Variants in MDH2 observed in about 807,000 individuals in gnomAD.
The protein encoded by MDH2 is malate dehydrogenase 2.
MDH2 carries 25 observed loss-of-function variants against 33.6 expected under a neutral mutation model. That is an observed-to-expected ratio of 0.74 (90% CI 0.54 to 1.04). The LOEUF is 1.04. Ranked by LOEUF, MDH2 falls within the 50% of genes least tolerant of loss-of-function variation. MDH2 has a pLI of 0.00. For synonymous variants in MDH2, 193 were observed against 188.7 expected (o/e 1.02, Z -0.19); for missense variants, 432 against 445.0 (o/e 0.97, Z 0.26).
chr7:76,057,333 T>C (rs1435254662), intron 2 of MDH2, 77 bp from the exon 3 acceptor site: 2 of 1,532,902 alleles, frequency 1.3e-6, no homozygotes, highest in Non-Finnish European at 1.8e-6. Flanking sequence ...TTAGTTGGCC[T>C]TAAGGCCAGG....
intron 4 of MDH2, among the ~76,000 whole-genome samples, chr7:76,059,394 C>T (rs782350172): frequency 1.8e-4 from 27 of 152,228 alleles, no homozygotes; most frequent in Non-Finnish European, 3.5e-4. Flanking sequence ...TTCCTGGTCC[C>T]CTGTTGTCCC....
chr7:76,056,359 A>G (rs534101732), intron 2 of MDH2, among the ~76,000 whole-genome samples: 2 of 152,354 alleles, frequency 1.3e-5, no homozygotes, highest in East Asian at 3.9e-4. Context: ...CTGTCCAGAA[A>G]GATTCTACTG....
intron 7 of MDH2, 24 bp from the exon 8 acceptor site, chr7:76,064,778 G>A: frequency 6.2e-7 from 1 of 1,607,278 alleles, no homozygotes; most frequent in Non-Finnish European, 8.5e-7. Flanking sequence ...CACCAGCCAG[G>A]CTGACCTGTC....
intron 4 of MDH2, 134 bp downstream of exon 4, chr7:76,058,212 G>A: frequency 2.6e-6 from 2 of 780,682 alleles, no homozygotes; most frequent in South Asian, 1.7e-5. Context: ...TGAAGGGGCT[G>A]AAATGGAGAG....
rs1798103897 is a variant in MDH2 at position 76,066,601 on chromosome 7, T to C, written c.*191T>C. 6 of 627,954 alleles carry C rather than the reference T, an allele frequency of 9.6e-6. No homozygotes were observed. The highest frequency in any genetic ancestry group is 1.5e-5 in the Non-Finnish European group (6 of 408,568). 38.9% of individuals were successfully genotyped at this position (627,954 alleles called of 1,614,324 possible). On this transcript the variant is annotated 3_prime_UTR_variant, in exon 9 of 9. Coordinates refer to ENST00000315758, the MANE Select transcript of MDH2 (RefSeq NM_005918.4). ...CCGTCCTTGATTTTATTTTTCAAGGTCCCTTCTGTAAATGCTGTGCTTTCT... is the reference window on the plus strand; with the variant it reads ...CCGTCCTTGATTTTATTTTTCAAGGCCCCTTCTGTAAATGCTGTGCTTTCT...
chr7:76,057,431 T>C lies in MDH2; in HGVS notation c.257T>C (p.Leu86Pro). 1 of 1,614,190 alleles carries C rather than the reference T, an allele frequency of 6.2e-7. No individual in the cohort carries two copies. The highest frequency in any genetic ancestry group is 8.5e-7 in the Non-Finnish European group (1 of 1,180,032). Reference sequence around the variant, plus strand: ...CTAGGCTACCTCGGACCTGAACAGCTGCCTGACTGCCTGAAAGGTTGTGAT... The same window carrying C: ...CTAGGCTACCTCGGACCTGAACAGCCGCCTGACTGCCTGAAAGGTTGTGAT... ...AVKGYLGPEQLPDCLKGCDVV... is the reference protein window; with the variant it reads ...AVKGYLGPEQPPDCLKGCDVV... The change falls in exon 3 of 9, where the codon CTG becomes CCG. Residue 86 changes from leucine (L) to proline (P), a missense_variant. By Grantham distance (98) the Leu-to-Pro change is moderately conservative. Coordinates refer to ENST00000315758, the MANE Select transcript of MDH2 (RefSeq NM_005918.4).
At chr7:76,063,672 AC>A in intron 6 of MDH2, 80 bp downstream of exon 6, 1 of 1,416,580 alleles carries the variant, frequency 7.1e-7, no homozygotes. Flanking sequence ...ATCCCGGTAG[AC>A]TGGAGAAGGC....
chr7:76,051,974 G>A (rs1797640351), intron 1 of MDH2, among the ~76,000 whole-genome samples: 1 of 152,122 alleles, frequency 6.6e-6, no homozygotes, highest in Non-Finnish European at 1.5e-5. Flanking sequence ...AAGGATTGTG[G>A]TTTTGTAAAA....
In MDH2 at chr7:76,063,512, C is replaced by T; in HGVS notation, c.556-3C>T. 1.9e-6 allele frequency: 3 copies of T among 1,614,210 alleles called. No homozygotes were observed. Among genetic ancestry groups the T allele is most frequent in the Non-Finnish European group, 2.5e-6 (3 of 1,180,018 alleles). On this transcript the variant is annotated splice_region_variant and splice_polypyrimidine_tract_variant and intron_variant, in intron 5 of 8. Transcript: ENST00000315758. ...TCATCCAGCTTCATACTTTGGTCAC[C>T]AGGGTTTGGATCCAGCTCGAGTCAA...
Position 76,058,052 on chromosome 7 carries a change from G to A in MDH2, c.403G>A (p.Ala135Thr). The change falls in exon 4 of 9, where the codon GCC (alanine) becomes ACC (threonine). Residue 135 changes from alanine to threonine, a missense_variant. Coordinates refer to ENST00000315758, the MANE Select transcript of MDH2 (RefSeq NM_005918.4). ...TAACAQHCPE[A>T]MICVIANPVN... ...TGCCTGTGCCCAGCACTGCCCGGAA[G>A]CCATGATCTGCGTCATTGCCAATCC... The A allele has an allele frequency of 6.2e-7, 1 of 1,613,556 alleles. No individual in the cohort carries two copies. The highest frequency in any genetic ancestry group is 2.2e-5 in the East Asian group (1 of 44,884).
intron 1 of MDH2, among the ~76,000 whole-genome samples, chr7:76,050,882 G>A (rs1284087055): frequency 1.3e-5 from 2 of 152,050 alleles, no homozygotes; most frequent in African/African-American, 4.8e-5. Context: ...GATATCAGGA[G>A]TTCAGTTTTT....
At position 76,048,208 on chromosome 7, in the gene MDH2, CT is replaced by C; in HGVS notation, c.50del (p.Phe17SerfsTer11). On this transcript the variant is annotated frameshift_variant, in exon 1 of 9. Coordinates refer to ENST00000315758, the MANE Select transcript of MDH2 (RefSeq NM_005918.4). LOFTEE classifies it high-confidence loss of function. ...CTGCCAGCGCTGCTCTCCGCCGCAGCTTCAGCACCTCGGCCCAGGTAGGCCA... is the reference window on the plus strand; with the variant it reads ...CTGCCAGCGCTGCTCTCCGCCGCAGCTCAGCACCTCGGCCCAGGTAGGCCA... ...RPASAALRRS[F>X]STSAQNNAKV... 6.5e-7 allele frequency: 1 copy of C among 1,536,032 alleles called. No individual in the cohort carries two copies. Among genetic ancestry groups the C allele is most frequent in the Non-Finnish European group, 8.7e-7 (1 of 1,146,758 alleles).
In MDH2 at chr7:76,066,553, C is replaced by T. The variant is rs1798102403; in HGVS notation, c.*143C>T. ...ATCATGCCTTCCAAATTGTGGGTGG[C>T]TCTGTGGGCGCATCAATAAAAGCCG... On this transcript the variant is annotated 3_prime_UTR_variant, in exon 9 of 9. Transcript: ENST00000315758. 5.8e-6 allele frequency: 6 copies of T among 1,030,530 alleles called. No individual in the cohort carries two copies. Among genetic ancestry groups the T allele is most frequent in the Middle Eastern group, 3.3e-4 (1 of 2,994 alleles). 63.8% of individuals were successfully genotyped at this position (1,030,530 alleles called of 1,614,324 possible). A position where few individuals can be genotyped will look rare whatever the true frequency, so the allele number is the denominator to read the frequency against.
rs781961063 is a variant in MDH2, at chr7:76,064,907, C to T, written c.839C>T (p.Ser280Leu). The T allele has an allele frequency of 6.2e-7, 1 of 1,614,034 alleles. No homozygotes were observed. The highest frequency in any genetic ancestry group is 2.2e-5 in the East Asian group (1 of 44,880). The stretch of plus-strand genomic sequence containing the variant: ...GTTGTGGAATGTTCCTTCGTTAAGT[C>T]ACAGGAAACGGAATGTACCTACTTC... ...EGVVECSFVKSQETECTYFST... is the reference protein window; with the variant it reads ...EGVVECSFVKLQETECTYFST... Residue 280 changes from serine to leucine, a missense_variant, in exon 8 of 9, where the codon TCA becomes TTA. Coordinates refer to ENST00000315758, the MANE Select transcript of MDH2 (RefSeq NM_005918.4).
At chr7:76,058,625 A>G (rs1797857167) in intron 4 of MDH2, among the ~76,000 whole-genome samples, 1 of 152,244 alleles carries the variant, frequency 6.6e-6, no homozygotes, top group African/African-American at 2.4e-5. Context: ...AACAATCACA[A>G]CAAGATACTA....
intron 8 of MDH2, chr7:76,065,184 G>A (rs565512070): frequency 3.7e-5 from 18 of 482,534 alleles, no homozygotes; most frequent in Admixed American, 1.4e-4. Flanking sequence ...GTTTGACAGC[G>A]GGTGCCCAGC....
Position 76,060,414 on chromosome 7 carries a change from G to C in MDH2, c.471G>C (p.Lys157Asn). The change falls in exon 5 of 9, where the codon AAG becomes AAC. Residue 157 changes from lysine (K) to asparagine (N), a missense_variant. Lys to Asn is a moderately conservative substitution (Grantham distance 94). Transcript: ENST00000315758. Reference protein sequence around the residue: ...TIPITAEVFKKHGVYNPNKIF... With the variant: ...TIPITAEVFKNHGVYNPNKIF... The stretch of plus-strand genomic sequence containing the variant: ...CCATCACAGCAGAAGTTTTCAAGAA[G>C]CATGGAGTGTACAACCCCAACAAAA... The C allele has an allele frequency of 1.9e-6, 3 of 1,614,152 alleles. No individual in the cohort carries two copies. Among genetic ancestry groups the C allele is most frequent in the Non-Finnish European group, 2.5e-6 (3 of 1,180,024 alleles).
intron 1 of MDH2, chr7:76,048,687 A>G: frequency 8.0e-7 from 1 of 1,244,852 alleles, no homozygotes; most frequent in Non-Finnish European, 1.0e-6. Context: ...CCGAGGCTAG[A>G]GAACTGGGCC....
chr7:76,059,227 A>C (rs1419442852), intron 4 of MDH2, among the ~76,000 whole-genome samples: 1 of 152,224 alleles, frequency 6.6e-6, no homozygotes, highest in Non-Finnish European at 1.5e-5. Context: ...TACAGGCATG[A>C]GCCACTGCGC....
Sources: allele counts gnomAD v4.1 joint callset (sites outside exome capture counted in the v4.1 genomes callset), GRCh38; gene constraint gnomAD v4.1.1; transcripts MANE v1.5; gene names NCBI Gene and HGNC (gene_info 2026-07-23, HGNC 2026-07-21).